The following SCAF11 variants were observed in gnomAD, a reference collection of about 807,000 sequenced individuals.
SCAF11 encodes SR-related CTD associated factor 11, also known as protein SCAF11.
Under a neutral mutation model 140.5 loss-of-function variants are expected in SCAF11, and 47 were observed. That is an observed-to-expected ratio of 0.33 (90% CI 0.26 to 0.43). The LOEUF (loss-of-function observed/expected upper bound fraction) is 0.43. Among genes scored for constraint, SCAF11 ranks in the 20% least tolerant of loss-of-function variants. The pLI is 1.00. For synonymous variants in SCAF11, 557 were observed against 579.4 expected (o/e 0.96, Z 0.55); for missense variants, 1,645 against 1,705.1 (o/e 0.96, Z 0.62).
In SCAF11 at chr12:45,956,022, C is replaced by T; in HGVS notation, c.220-4295G>A. On this transcript the variant is annotated intron_variant, in intron 3 of 14. Transcript: ENST00000369367. ...AATCTTCCTAATGATTTCAGTAAAA[C>T]ACACCCTACTATTCTGAAGCATTAT... 4.4e-6 allele frequency: 3 copies of T among 686,356 alleles called. No individual in the cohort carries two copies. The South Asian group carries it at 4.7e-5, about 11-fold the overall frequency. The allele number at this position is 686,356 out of a possible 1,614,324, so 42.5% of individuals were successfully genotyped here.
intron 4 of SCAF11, among the ~76,000 whole-genome samples, 160 bp from the exon 5 acceptor site, chr12:45,948,697 A>G (rs1027540009): frequency 6.6e-6 from 1 of 152,248 alleles, no homozygotes; most frequent in African/African-American, 2.4e-5. Flanking sequence ...CTAAACCATA[A>G]GCTTAGTAAG....
chr12:45,936,466 G>A (rs944147526), intron 6 of SCAF11, among the ~76,000 whole-genome samples: 1 of 151,816 alleles, frequency 6.6e-6, no homozygotes, highest in South Asian at 2.1e-4. Context: ...ATTTTCCTAG[G>A]GTTAATAATG....
At position 45,926,982 on chromosome 12, in the gene SCAF11, A is replaced by G; in HGVS notation, c.2719T>C (p.Ser907Pro). The G allele has an allele frequency of 6.2e-7, 1 of 1,612,288 alleles. No homozygotes were observed. The highest frequency in any genetic ancestry group is 8.5e-7 in the Non-Finnish European group (1 of 1,179,906). ...RVKDSSPGEK[S>P]RSQSRERESD... is the part of the protein sequence containing the mutation. ...TCTCGTTCTCTGCTCTGGGACCTGG[A>G]TTTTTCTCCTGGGGAAGAATCTTTC... The change falls in exon 11 of 15, where the codon TCC becomes CCC. Residue 907 changes from serine to proline, a missense_variant. Coordinates refer to ENST00000369367, the MANE Select transcript of SCAF11 (RefSeq NM_004719.3).
At chr12:45,965,223 T>C (rs1023415885) in intron 1 of SCAF11, among the ~76,000 whole-genome samples, 1 of 152,128 alleles carries the variant, frequency 6.6e-6, no homozygotes, top group Non-Finnish European at 1.5e-5. Flanking sequence ...CAAGTATGGA[T>C]TGAATTACAA....
At chr12:45,977,072 A>C (rs999819554) in intron 1 of SCAF11, among the ~76,000 whole-genome samples, 4 of 152,148 alleles carry the variant, frequency 2.6e-5, no homozygotes, top group African/African-American at 9.7e-5. Context: ...AAATATTTAA[A>C]GGAGAAATAA....
At chr12:45,964,561 G>A (rs545651818) in intron 1 of SCAF11, among the ~76,000 whole-genome samples, 1 of 152,108 alleles carries the variant, frequency 6.6e-6, no homozygotes, top group East Asian at 1.9e-4. Flanking sequence ...CAGCTGCTCG[G>A]GAGGTTGAGG....
intron 1 of SCAF11, among the ~76,000 whole-genome samples, chr12:45,986,870 C>G (rs1044981275): frequency 3.3e-5 from 5 of 152,172 alleles, no homozygotes; most frequent in African/African-American, 1.2e-4. Context: ...CTCCTCCCAC[C>G]AAGATTCTGA....
chr12:45,921,902 G>A lies in SCAF11; in HGVS notation c.*146C>T, dbSNP rs904678576. 2 of 949,902 alleles carry A rather than the reference G, an allele frequency of 2.1e-6. No homozygotes were observed. Among genetic ancestry groups the A allele is most frequent in the Non-Finnish European group, 3.1e-6 (2 of 639,670 alleles). 58.8% of individuals were successfully genotyped at this position (949,902 alleles called of 1,614,324 possible). ...TGCAGTGCAGACCTATATTTATTTAGAACAAAACATCATATCCTATGTTAA... is the reference window on the plus strand; with the variant it reads ...TGCAGTGCAGACCTATATTTATTTAAAACAAAACATCATATCCTATGTTAA... On this transcript the variant is annotated 3_prime_UTR_variant, in exon 15 of 15. Transcript: ENST00000369367.
intron 10 of SCAF11, chr12:45,929,483 G>A (rs1253537902): frequency 6.6e-6 from 1 of 151,954 alleles, no homozygotes; most frequent in Non-Finnish European, 1.5e-5. Context: ...CTAAGCAAAA[G>A]GAGAGAGAAA....
chr12:45,970,824 T>C (rs1946055436), intron 1 of SCAF11, among the ~76,000 whole-genome samples: 1 of 152,220 alleles, frequency 6.6e-6, no homozygotes, highest in Non-Finnish European at 1.5e-5. Context: ...ATAAAATCAG[T>C]TTCCTATATC....
chr12:45,926,074 CA>C, intron 11 of SCAF11, 67 bp downstream of exon 11: 3 of 1,462,454 alleles, frequency 2.1e-6, no homozygotes, highest in Non-Finnish European at 2.8e-6. Flanking sequence ...TCAACTCATA[CA>C]AATAACATAT....
rs1211994328 is a variant in SCAF11 at position 45,926,287 on chromosome 12, A to G, written c.3414T>C (p.Asp1138=). Residue 1138 remains aspartate (D), a synonymous_variant, in exon 11 of 15, where the codon GAT becomes GAC. Coordinates refer to ENST00000369367, the MANE Select transcript of SCAF11 (RefSeq NM_004719.3). ...EQEFSFDTPA[D]RSGWTSASSW... ...TGGATGCAGATGTCCATCCAGATCT[A>G]TCTGCTGGTGTATCAAATGAGAACT... 2 of 1,613,994 alleles carry G rather than the reference A, an allele frequency of 1.2e-6. No individual in the cohort carries two copies. Among genetic ancestry groups the G allele is most frequent in the Non-Finnish European group, 1.7e-6 (2 of 1,180,012 alleles).
rs1565689062 is a variant in SCAF11 at position 45,972,933 on chromosome 12, TATATAGATATATATATAG to T, written c.-21-8763_-21-8746del. Reference sequence around the variant, plus strand: ...AGATATATATATAGATATATAGATATATATAGATATATATATAGATATATAGATATATATATAGATATA... The same window carrying T: ...AGATATATATATAGATATATAGATATATATATAGATATATATATAGATATA... On this transcript the variant is annotated intron_variant, in intron 1 of 14. Coordinates refer to ENST00000369367, the MANE Select transcript of SCAF11 (RefSeq NM_004719.3). Among the ~76,000 whole-genome samples the T allele has an allele frequency of 2.8e-4, 15 of 52,724 alleles. 1 individual carries two copies. The highest frequency in any genetic ancestry group is 8.5e-4 in the African/African-American group (9 of 10,568). 34.6% of individuals were successfully genotyped at this position (52,724 alleles called of 152,430 possible).
intron 12 of SCAF11, among the ~76,000 whole-genome samples, chr12:45,923,853 T>C (rs1944775453): frequency 6.6e-6 from 1 of 151,402 alleles, no homozygotes; most frequent in Non-Finnish European, 1.5e-5. Flanking sequence ...GGCTAATTTT[T>C]GTATTTTTTT....
chr12:45,924,121 G>A (rs1401191829), intron 12 of SCAF11, among the ~76,000 whole-genome samples: 1 of 152,174 alleles, frequency 6.6e-6, no homozygotes, highest in African/African-American at 2.4e-5. Flanking sequence ...GATAACAGGC[G>A]TGAGCCACCA....
chr12:45,972,785 T>C (rs1370623194), intron 1 of SCAF11, among the ~76,000 whole-genome samples: 1 of 145,876 alleles, frequency 6.9e-6, no homozygotes, highest in Non-Finnish European at 1.5e-5. Flanking sequence ...ACCACCAAGA[T>C]GATACAGCTG....
In SCAF11 at chr12:45,961,808, C is replaced by T; in HGVS notation, c.111G>A (p.Glu37=). The change falls in exon 3 of 15, where the codon GAG becomes GAA. Residue 37 remains glutamate (E), a synonymous_variant. Transcript: ENST00000369367. The stretch of plus-strand genomic sequence containing the variant: ...TAAGACATATTGGGCATCTGTCAGC[C>T]TCACTGTACAACAGACCAGTGGAAA... ...NTISTGLLYS[E]ADRCPICLNC... is the part of the protein sequence containing the mutation. 1.2e-6 allele frequency: 2 copies of T among 1,613,138 alleles called. No individual in the cohort carries two copies. Among genetic ancestry groups the T allele is most frequent in the Non-Finnish European group, 1.7e-6 (2 of 1,179,388 alleles).
upstream of SCAF11, among the ~76,000 whole-genome samples, chr12:45,991,654 C>T (rs1295839388): frequency 6.6e-6 from 1 of 152,204 alleles, no homozygotes; most frequent in Non-Finnish European, 1.5e-5. Context: ...CTTTTTCCCC[C>T]GGCGGGTTGT....
chr12:45,955,718 T>C (rs1346907767), intron 3 of SCAF11: 1 of 154,882 alleles, frequency 6.5e-6, no homozygotes, highest in Non-Finnish European at 1.4e-5. Context: ...CCTTCAATTA[T>C]TTACCATTTT....
Sources: gnomAD v4.1 joint callset for allele counts (sites outside exome capture counted in the v4.1 genomes callset) on GRCh38, gnomAD v4.1.1 for gene constraint, MANE v1.5 for transcripts, NCBI Gene and HGNC (gene_info 2026-07-23, HGNC 2026-07-21) for gene names.